The following ZNF143 variants were observed in gnomAD, a reference collection of about 807,000 sequenced individuals.
The protein encoded by ZNF143 is SPH-binding factor.
Under a neutral mutation model 74.1 loss-of-function variants are expected in ZNF143, and 49 were observed. That is an observed-to-expected ratio of 0.66 (90% CI 0.53 to 0.84). The LOEUF (loss-of-function observed/expected upper bound fraction) is 0.84. ZNF143 is among the 40% of genes least tolerant of loss of function. ZNF143 has a pLI of 0.00. For synonymous variants in ZNF143, 304 were observed against 282.8 expected (o/e 1.07, Z -0.75); for missense variants, 637 against 793.4 (o/e 0.80, Z 2.37).
intron 1 of ZNF143, chr11:9,461,554 G>T (rs1012579067): frequency 1.3e-4 from 20 of 152,240 alleles, no homozygotes; most frequent in African/African-American, 4.3e-4. Context: ...GCTGGCCCAG[G>T]CCCTCCCAGG....
Position 9,495,631 on chromosome 11 carries a change from G to A in ZNF143, c.766-672G>A, listed in dbSNP as rs898676316. Among the ~76,000 whole-genome samples, 3 of 152,302 alleles carry A rather than the reference G, an allele frequency of 2.0e-5. No individual in the cohort carries two copies. The South Asian group carries it at 6.2e-4, about 32-fold the overall frequency. On this transcript the variant is annotated intron_variant, in intron 8 of 15. Transcript: ENST00000396602. ...CTTCACTATTTATCAGTAACCTTGG[G>A]ATGTTAGTTGACCTCTTAGTACCTC...
intron 13 of ZNF143, among the ~76,000 whole-genome samples, chr11:9,515,951 C>T (rs904316863): frequency 3.3e-5 from 5 of 151,912 alleles, no homozygotes; most frequent in African/African-American, 1.2e-4. Context: ...CATCACTGCC[C>T]TCCAGCCTGG....
intron 1 of ZNF143, among the ~76,000 whole-genome samples, chr11:9,464,622 A>G (rs756590931): frequency 1.5e-4 from 23 of 150,898 alleles, no homozygotes; most frequent in African/African-American, 5.1e-4. Context: ...CAATCAATCA[A>G]TGGTGTGTGT....
chr11:9,461,116 C>A, intron 1 of ZNF143, 40 bp downstream of exon 1: 1 of 982,970 alleles, frequency 1.0e-6, no homozygotes, highest in Non-Finnish European at 1.2e-6. Context: ...GTGCATTATT[C>A]TCCGCCTGGC....
chr11:9,496,414 A>T (rs765129580), intron 9 of ZNF143, 36 bp downstream of exon 9: 2 of 1,579,434 alleles, frequency 1.3e-6, no homozygotes, highest in African/African-American at 1.4e-5. Context: ...CTTGGTTCCA[A>T]TTAGGGGTCA....
At chr11:9,505,362 T>A (rs566474048) in intron 11 of ZNF143, among the ~76,000 whole-genome samples, 6 of 151,676 alleles carry the variant, frequency 4.0e-5, no homozygotes, top group Admixed American at 1.3e-4. Flanking sequence ...CTCTGCCTCC[T>A]GGGTTCAAGT....
Position 9,465,660 on chromosome 11 carries a change from T to C in ZNF143, c.-8+4584T>C, listed in dbSNP as rs960214783. Among the ~76,000 whole-genome samples, 3 of 147,978 alleles carry C rather than the reference T, an allele frequency of 2.0e-5. No individual in the cohort carries two copies. The East Asian group carries it at 5.9e-4, about 29-fold the overall frequency. ...GACTATAGGCGCCCGCCACCACGCCTGGCTAATTTTTTTTTTTTTTTTTGT... is the reference window on the plus strand; with the variant it reads ...GACTATAGGCGCCCGCCACCACGCCCGGCTAATTTTTTTTTTTTTTTTTGT... On this transcript the variant is annotated intron_variant, in intron 1 of 15. Coordinates refer to ENST00000396602, the MANE Select transcript of ZNF143 (RefSeq NM_003442.6).
At chr11:9,520,349 T>C (rs1848877232) in intron 14 of ZNF143, among the ~76,000 whole-genome samples, 2 of 146,148 alleles carry the variant, frequency 1.4e-5, no homozygotes, top group African/African-American at 5.1e-5. Flanking sequence ...TTTTTTTTAA[T>C]TAGCAAAGCA....
chr11:9,498,752 T>C (rs1251758255), intron 10 of ZNF143, among the ~76,000 whole-genome samples: 2 of 152,198 alleles, frequency 1.3e-5, no homozygotes, highest in Non-Finnish European at 2.9e-5. Context: ...GATAATTTAG[T>C]TTGGGATTTT....
chr11:9,485,347 CTTTTTTTTTT>C (rs544497040), intron 7 of ZNF143, among the ~76,000 whole-genome samples: 1 of 110,446 alleles, frequency 9.1e-6, no homozygotes, highest in African/African-American at 3.5e-5. Flanking sequence ...TTCTCTCTCT[CTTTTTTTTTT>C]TTTTTTTTTT....
chr11:9,473,727 A>C, intron 3 of ZNF143: 8 of 1,478,656 alleles, frequency 5.4e-6, no homozygotes, highest in Non-Finnish European at 7.2e-6. Context: ...TCTAATTGAA[A>C]ATTGCAGGGG....
At chr11:9,463,050 C>T (rs186342577) in intron 1 of ZNF143, among the ~76,000 whole-genome samples, 1 of 152,328 alleles carries the variant, frequency 6.6e-6, no homozygotes, top group African/African-American at 2.4e-5. Flanking sequence ...AGATATTTCA[C>T]ATAAATGGAA....
chr11:9,476,785 ACT>A (rs975038671), intron 5 of ZNF143, among the ~76,000 whole-genome samples: 1 of 45,298 alleles, frequency 2.2e-5, no homozygotes, highest in African/African-American at 6.7e-5. Context: ...TTTGAGACAG[ACT>A]CTCGCTCTCT....
At chr11:9,512,730 G>A in intron 13 of ZNF143, 134 bp downstream of exon 13, 1 of 1,020,634 alleles carries the variant, frequency 9.8e-7, no homozygotes, top group Non-Finnish European at 1.4e-6. Context: ...TTTTTCAGTA[G>A]TCTGCTTACA....
At position 9,479,511 on chromosome 11, in the gene ZNF143, A is replaced by G; in HGVS notation, c.610A>G (p.Met204Val). ...AAGTGAAAGTGTAGCAGGTACTGGA[A>G]TGATTGGAGAAAATGAGCAAGAGAA... Reference protein sequence around the residue: ...DGSESVAGTGMIGENEQEKKM... With the variant: ...DGSESVAGTGVIGENEQEKKM... Residue 204 changes from methionine (M) to valine (V), a missense_variant, in exon 7 of 16, where the codon ATG becomes GTG. Met to Val is a conservative substitution (Grantham distance 21). Transcript: ENST00000396602. 6.2e-7 allele frequency: 1 copy of G among 1,613,450 alleles called. No individual in the cohort carries two copies. The highest frequency in any genetic ancestry group is 8.5e-7 in the Non-Finnish European group (1 of 1,179,800).
intron 9 of ZNF143, among the ~76,000 whole-genome samples, chr11:9,497,182 A>G (rs1004323335): frequency 6.6e-6 from 1 of 152,218 alleles, no homozygotes; most frequent in Non-Finnish European, 1.5e-5. Context: ...ACAGAAATGA[A>G]ACTATTGAAT....
At chr11:9,504,186 C>T (rs1394480647) in intron 11 of ZNF143, among the ~76,000 whole-genome samples, 1 of 151,678 alleles carries the variant, frequency 6.6e-6, no homozygotes, top group Non-Finnish European at 1.5e-5. Flanking sequence ...GTCTCAAACT[C>T]CTGACCTTGT....
intron 7 of ZNF143, among the ~76,000 whole-genome samples, chr11:9,486,682 T>C (rs1239041886): frequency 6.7e-6 from 1 of 149,192 alleles, no homozygotes; most frequent in Non-Finnish European, 1.5e-5. Flanking sequence ...TGTTTTTTTT[T>C]CCCTGAGACA....
rs760394032 is a variant in ZNF143 at position 9,516,185 on chromosome 11, A to G, written c.1525-16A>G. The G allele has an allele frequency of 2.5e-6, 4 of 1,612,344 alleles. No individual in the cohort carries two copies. The highest frequency in any genetic ancestry group is 3.4e-6 in the Non-Finnish European group (4 of 1,178,730). ...CAAGAAACATTGACTGCTTTGTAAA[A>G]TTCACTGTATTGCAGGTCAACATAT... On this transcript the variant is annotated splice_polypyrimidine_tract_variant and intron_variant, in intron 13 of 15. Coordinates refer to ENST00000396602, the MANE Select transcript of ZNF143 (RefSeq NM_003442.6).
Sources: gnomAD v4.1 joint callset for allele counts (sites outside exome capture counted in the v4.1 genomes callset) on GRCh38, gnomAD v4.1.1 for gene constraint, MANE v1.5 for transcripts, NCBI Gene and HGNC (gene_info 2026-07-23, HGNC 2026-07-21) for gene names.